CYP19A1: variants seen among roughly 807,000 people sequenced by gnomAD.
CYP19A1 encodes aromatase.
Under a neutral mutation model 44.4 loss-of-function variants are expected in CYP19A1, and 32 were observed. The ratio of observed to expected loss-of-function variants is 0.72; its 90% CI spans 0.54 to 0.97. The LOEUF is 0.97. Among genes scored for constraint, CYP19A1 ranks in the 50% least tolerant of loss-of-function variants. The pLI is 0.00. For synonymous variants in CYP19A1, 212 were observed against 215.6 expected, an observed-to-expected ratio of 0.98 and a Z score of 0.14; for missense variants, 598 against 637.8, an observed-to-expected ratio of 0.94 and a Z score of 0.67.
At chr15:51,261,080 C>T (rs28520437) in intron 1 of CYP19A1, among the ~76,000 whole-genome samples, 58,751 of 152,094 alleles carry the variant, frequency 0.39, 11,914 homozygotes, top group East Asian at 0.5. Flanking sequence ...TCGCCACTCC[C>T]GATCGGGCTA....
chr15:51,235,719 G>A lies in CYP19A1; in HGVS notation c.296+1140C>T, dbSNP rs902265135. Among the ~76,000 whole-genome samples, 5 of 152,146 alleles carry A rather than the reference G, an allele frequency of 3.3e-5. No homozygotes were observed. The East Asian group carries it at 9.6e-4, about 29-fold the overall frequency. ...AGGATACCGTGGTATTTTATGAGAT[G>A]ATGTATGTAATCTTGACCTGAAAAA... On this transcript the variant is annotated intron_variant, in intron 3 of 9. Transcript: ENST00000396402.
intron 1 of CYP19A1, among the ~76,000 whole-genome samples, chr15:51,269,259 G>GT (rs967181500): frequency 2.6e-5 from 4 of 151,790 alleles, no homozygotes; most frequent in Admixed American, 6.6e-5. Context: ...ATCCAGCACC[G>GT]TTTTTTTGAA....
intron 1 of CYP19A1, among the ~76,000 whole-genome samples, chr15:51,285,833 G>A (rs1477828675): frequency 3.9e-5 from 6 of 152,100 alleles, no homozygotes; most frequent in Non-Finnish European, 7.4e-5. Context: ...CACTTGATCC[G>A]TTTTCTCTCT....
rs5812545 is a variant in CYP19A1, at chr15:51,223,593, T to TCACACACA, written c.452-1076_452-1069dup. Among the ~76,000 whole-genome samples, 714 of 90,180 alleles carry TCACACACA rather than the reference T, an allele frequency of 7.9e-3. 12 individuals carry two copies. Among genetic ancestry groups the TCACACACA allele is most frequent in the African/African-American group, 0.021 (502 of 24,056 alleles). The allele number at this position is 90,180 out of a possible 152,430, so 59.2% of individuals were successfully genotyped here. On this transcript the variant is annotated intron_variant, in intron 4 of 9. Transcript: ENST00000396402. ...CTTGCTCTCTCTCTCTCTCTCTCTC[T>TCACACACA]CACACACACACACACACACACACAC...
intron 1 of CYP19A1, among the ~76,000 whole-genome samples, chr15:51,249,841 G>A (rs2034233426): frequency 6.6e-6 from 1 of 152,118 alleles, no homozygotes; most frequent in African/African-American, 2.4e-5. Context: ...TTAAAAGCAG[G>A]GAAGGTTCAC....
At position 51,208,879 on chromosome 15, in the gene CYP19A1, CATATATACAGATAAA is replaced by C. The variant is rs1374193174; in HGVS notation, c.*1914_*1928del. Reference sequence around the variant, plus strand: ...ACTGTGTAGACATAGACATTGGCTTCATATATACAGATAAAATACACATAAATGTCCCAAGAGTAT... The same window carrying C: ...ACTGTGTAGACATAGACATTGGCTTCATACACATAAATGTCCCAAGAGTAT... On this transcript the variant is annotated 3_prime_UTR_variant, in exon 10 of 10. Coordinates refer to ENST00000396402, the MANE Select transcript of CYP19A1 (RefSeq NM_000103.4). 1 of 151,914 alleles carries C rather than the reference CATATATACAGATAAA, an allele frequency of 6.6e-6. No homozygotes were observed. Among genetic ancestry groups the C allele is most frequent in the Non-Finnish European group, 1.5e-5 (1 of 67,992 alleles). 9.4% of individuals were successfully genotyped at this position (151,914 alleles called of 1,614,324 possible). A position where few individuals can be genotyped will look rare whatever the true frequency, so the allele number is the denominator to read the frequency against.
chr15:51,279,540 G>A (rs1025906583), intron 1 of CYP19A1, among the ~76,000 whole-genome samples: 2 of 152,268 alleles, frequency 1.3e-5, no homozygotes, highest in Non-Finnish European at 2.9e-5. Context: ...TGTGGCTAAG[G>A]CTCAGAAGAA....
At chr15:51,301,917 G>T (rs2036122313) in intron 1 of CYP19A1, among the ~76,000 whole-genome samples, 1 of 152,152 alleles carries the variant, frequency 6.6e-6, no homozygotes, top group South Asian at 2.1e-4. Flanking sequence ...CCCTGTCAGA[G>T]AAAAAATATT....
chr15:51,254,607 C>T (rs549005472), intron 1 of CYP19A1, among the ~76,000 whole-genome samples: 200 of 152,084 alleles, frequency 1.3e-3, no homozygotes, highest in African/African-American at 4.6e-3. Context: ...CATCTCTTTT[C>T]TCTTTGTGCT....
intron 4 of CYP19A1, among the ~76,000 whole-genome samples, chr15:51,224,515 T>C (rs564959654): frequency 1.1e-4 from 16 of 152,256 alleles, no homozygotes; most frequent in Admixed American, 2.6e-4. Context: ...ATCACAAAGA[T>C]GTTTTGCTTA....
chr15:51,327,772 AAAAC>A lies in CYP19A1; in HGVS notation c.-39+10719_-39+10722del, dbSNP rs532656255. Reference sequence around the variant, plus strand: ...CCGTCTCAGAAAAAACAAACAAATGAAAACAAACCAACAACACATAACTTGTAAC... The same window carrying A: ...CCGTCTCAGAAAAAACAAACAAATGAAAACCAACAACACATAACTTGTAAC... On this transcript the variant is annotated intron_variant, in intron 1 of 9. Coordinates refer to ENST00000396402, the MANE Select transcript of CYP19A1 (RefSeq NM_000103.4). Among the ~76,000 whole-genome samples, 205 of 152,298 alleles carry A rather than the reference AAAAC, an allele frequency of 1.3e-3. 2 individuals carry two copies. The highest frequency in any genetic ancestry group is 4.5e-3 in the African/African-American group (188 of 41,540).
At chr15:51,230,779 C>T (rs1181721959) in intron 3 of CYP19A1, among the ~76,000 whole-genome samples, 4 of 152,000 alleles carry the variant, frequency 2.6e-5, no homozygotes, top group Non-Finnish European at 5.9e-5. Context: ...CCACCACACC[C>T]GGCTAATTTT....
intron 7 of CYP19A1, 81 bp downstream of exon 7, chr15:51,215,622 G>C: frequency 6.2e-7 from 1 of 1,611,054 alleles, no homozygotes; most frequent in Admixed American, 1.7e-5. Context: ...ATATGCAACA[G>C]TTACAAAAGG....
intron 1 of CYP19A1, among the ~76,000 whole-genome samples, chr15:51,286,259 C>G (rs2035695341): frequency 6.6e-6 from 1 of 152,212 alleles, no homozygotes; most frequent in Non-Finnish European, 1.5e-5. Context: ...CCCAAATCCC[C>G]AGAGTTCTGG....
chr15:51,301,572 G>A (rs543038347), intron 1 of CYP19A1, among the ~76,000 whole-genome samples: 14 of 152,308 alleles, frequency 9.2e-5, no homozygotes, highest in East Asian at 3.9e-4. Flanking sequence ...CTGACCCCCC[G>A]CGTGCCTTCC....
intron 1 of CYP19A1, among the ~76,000 whole-genome samples, chr15:51,286,642 C>T (rs890845716): frequency 3.9e-5 from 6 of 152,272 alleles, no homozygotes; most frequent in Non-Finnish European, 8.8e-5. Flanking sequence ...AACGAAGACC[C>T]TTCCACCATG....
intron 2 of CYP19A1, among the ~76,000 whole-genome samples, chr15:51,241,165 A>G (rs1178303598): frequency 6.6e-6 from 1 of 152,166 alleles, no homozygotes; most frequent in African/African-American, 2.4e-5. Context: ...CTACTCTCCC[A>G]CTGATCCAGA....
intron 1 of CYP19A1, among the ~76,000 whole-genome samples, chr15:51,275,995 C>T (rs545061495): frequency 7.9e-5 from 12 of 152,258 alleles, no homozygotes; most frequent in East Asian, 5.8e-4. Flanking sequence ...GACTTTTAGA[C>T]GCTAAATGAA....
intron 1 of CYP19A1, among the ~76,000 whole-genome samples, chr15:51,245,273 A>C (rs1005951999): frequency 2.0e-5 from 3 of 152,250 alleles, no homozygotes; most frequent in Admixed American, 1.3e-4. Context: ...AAAGTATGTC[A>C]TAAAGATCCC....
Sources: gnomAD v4.1 joint callset for allele counts (sites outside exome capture counted in the v4.1 genomes callset) on GRCh38, gnomAD v4.1.1 for gene constraint, MANE v1.5 for transcripts, NCBI Gene and HGNC (gene_info 2026-07-23, HGNC 2026-07-21) for gene names.